The following SENP7 variants were observed in gnomAD, a reference collection of about 807,000 sequenced individuals.
SENP7 encodes SUMO specific peptidase 7.
SENP7 carries 64 observed loss-of-function variants against 141.2 expected under a neutral mutation model. The observed-to-expected ratio is 0.45, with a 90% CI of 0.37 to 0.56. SENP7 has a LOEUF of 0.56. Ranked by LOEUF, SENP7 falls within the 20% of genes least tolerant of loss-of-function variation. The pLI is 0.00. For synonymous variants in SENP7, 382 were observed against 426.4 expected, an observed-to-expected ratio of 0.90 and a Z score of 1.28; for missense variants, 1,025 against 1,212.2, an observed-to-expected ratio of 0.85 and a Z score of 2.29.
chr3:101,507,824 G>A (rs111912787), intron 1 of SENP7, among the ~76,000 whole-genome samples: 1,934 of 152,120 alleles, frequency 0.013, 33 homozygotes, highest in African/African-American at 0.043. Flanking sequence ...GCCAAGGCAG[G>A]TGGACCATGA....
At chr3:101,335,513 A>ATGTG (rs370610816) in intron 17 of SENP7, among the ~76,000 whole-genome samples, 109 of 150,508 alleles carry the variant, frequency 7.2e-4, no homozygotes, top group African/African-American at 2.4e-3. Context: ...GCATGTGTAC[A>ATGTG]TGTGTGTGTG....
At chr3:101,359,942 T>C (rs1194326444) in intron 11 of SENP7, among the ~76,000 whole-genome samples, 1 of 151,852 alleles carries the variant, frequency 6.6e-6, no homozygotes, top group Admixed American at 6.6e-5. Context: ...AGAAATCCCA[T>C]TGTTTAATAT....
intron 3 of SENP7, among the ~76,000 whole-genome samples, chr3:101,473,231 T>C (rs561849377): frequency 7.9e-5 from 12 of 152,342 alleles, no homozygotes; most frequent in South Asian, 4.1e-4. Flanking sequence ...ACAATGTATA[T>C]TCCTTTGGGT....
intron 17 of SENP7, among the ~76,000 whole-genome samples, chr3:101,335,214 T>C (rs553897160): frequency 3.9e-5 from 6 of 152,230 alleles, no homozygotes; most frequent in African/African-American, 7.2e-5. Context: ...AACTTAAGTA[T>C]GGTAAATGAG....
At chr3:101,422,629 G>C (rs1033228739) in intron 4 of SENP7, among the ~76,000 whole-genome samples, 3 of 152,064 alleles carry the variant, frequency 2.0e-5, no homozygotes, top group Non-Finnish European at 4.4e-5. Context: ...TTTATAAAGT[G>C]TTCCTTTGAA....
At chr3:101,460,773 A>C (rs751105697) in intron 3 of SENP7, among the ~76,000 whole-genome samples, 1 of 152,168 alleles carries the variant, frequency 6.6e-6, no homozygotes, top group African/African-American at 2.4e-5. Flanking sequence ...AAATGGGAGG[A>C]AATATTTGCA....
At chr3:101,408,051 AGAG>A (rs1202808593) in intron 5 of SENP7, among the ~76,000 whole-genome samples, 3 of 152,172 alleles carry the variant, frequency 2.0e-5, no homozygotes, top group Non-Finnish European at 2.9e-5. Flanking sequence ...AACCAAGAAA[AGAG>A]GAGAGAAAAT....
chr3:101,457,853 T>A (rs1383297698), intron 4 of SENP7: 1 of 542,098 alleles, frequency 1.8e-6, no homozygotes, highest in Admixed American at 3.2e-5. Flanking sequence ...AGGGGAATGA[T>A]GTATGTTGTG....
At chr3:101,381,583 T>C (rs2060503888) in intron 6 of SENP7, among the ~76,000 whole-genome samples, 1 of 152,046 alleles carries the variant, frequency 6.6e-6, no homozygotes, top group Admixed American at 6.6e-5. Flanking sequence ...TAGGAAAAAG[T>C]TTAAATGTTT....
At chr3:101,408,932 A>T (rs1264818904) in intron 5 of SENP7, among the ~76,000 whole-genome samples, 1 of 152,198 alleles carries the variant, frequency 6.6e-6, no homozygotes, top group African/African-American at 2.4e-5. Context: ...TCCTGGCCAG[A>T]GCAATCACAC....
chr3:101,371,435 T>G (rs2060177900), intron 7 of SENP7, among the ~76,000 whole-genome samples: 1 of 152,196 alleles, frequency 6.6e-6, no homozygotes, highest in Non-Finnish European at 1.5e-5. Flanking sequence ...GTAGTAAAAT[T>G]GTTTTTCTTC....
At position 101,458,935 on chromosome 3, in the gene SENP7, C is replaced by T. The variant is rs754359234; in HGVS notation, c.284+20G>A. ...TTTATAGGTTAAGCCCATACTATGT[C>T]GCACACACACATATCTTACCTTTCT... is the stretch of plus-strand genomic sequence containing the variant. On this transcript the variant is annotated intron_variant, in intron 4 of 23. Coordinates refer to ENST00000394095, the MANE Select transcript of SENP7 (RefSeq NM_020654.5). 1.3e-5 allele frequency: 18 copies of T among 1,428,330 alleles called. No homozygotes were observed. Among genetic ancestry groups the T allele is most frequent in the Admixed American group, 1.8e-5 (1 of 54,994 alleles). The allele number at this position is 1,428,330 out of a possible 1,614,324, so 88.5% of individuals were successfully genotyped here.
intron 6 of SENP7, among the ~76,000 whole-genome samples, chr3:101,394,433 T>C (rs991901827): frequency 3.9e-5 from 6 of 152,224 alleles, no homozygotes; most frequent in Non-Finnish European, 5.9e-5. Context: ...CTTTGGTATA[T>C]TGACTTCCTT....
chr3:101,426,483 A>AATT (rs759212908), intron 4 of SENP7, among the ~76,000 whole-genome samples: 1 of 143,100 alleles, frequency 7.0e-6, no homozygotes, highest in Non-Finnish European at 1.6e-5. Flanking sequence ...GAGAAATAAG[A>AATT]TTTTTTTTTT....
At chr3:101,356,484 C>T (rs1576066917) in intron 11 of SENP7, among the ~76,000 whole-genome samples, 1 of 152,058 alleles carries the variant, frequency 6.6e-6, no homozygotes, top group Non-Finnish European at 1.5e-5. Context: ...AATTACAATA[C>T]TTCAAAAAAT....
intron 5 of SENP7, among the ~76,000 whole-genome samples, chr3:101,403,442 T>G (rs538268665): frequency 6.6e-6 from 1 of 152,210 alleles, no homozygotes; most frequent in Non-Finnish European, 1.5e-5. Context: ...CTCAGAAAAG[T>G]TAAATAAGCT....
chr3:101,387,934 T>C (rs916849613), intron 6 of SENP7, among the ~76,000 whole-genome samples: 6 of 152,146 alleles, frequency 3.9e-5, no homozygotes, highest in Admixed American at 1.3e-4. Flanking sequence ...AGTACAAGCC[T>C]ACCTGACATG....
intron 3 of SENP7, among the ~76,000 whole-genome samples, chr3:101,470,016 C>T (rs1455343890): frequency 6.6e-6 from 1 of 152,056 alleles, no homozygotes; most frequent in East Asian, 1.9e-4. Flanking sequence ...TAAAGATGTT[C>T]TTTGAAACCA....
At chr3:101,501,519 T>C (rs1309871385) in intron 1 of SENP7, among the ~76,000 whole-genome samples, 2 of 152,080 alleles carry the variant, frequency 1.3e-5, no homozygotes, top group East Asian at 1.9e-4. Flanking sequence ...AAGTTAGAAG[T>C]TGAGAATATT....
Sources: gnomAD v4.1 joint callset for allele counts (sites outside exome capture counted in the v4.1 genomes callset) on GRCh38, gnomAD v4.1.1 for gene constraint, MANE v1.5 for transcripts, NCBI Gene and HGNC (gene_info 2026-07-23, HGNC 2026-07-21) for gene names.